The following RB1 variants were observed in gnomAD, a reference collection of about 807,000 sequenced individuals.
RB1 encodes RB transcriptional corepressor 1.
RB1 carries 18 observed loss-of-function variants against 135.4 expected under a neutral mutation model. The observed-to-expected ratio is 0.13, with a 90% CI of 0.09 to 0.20. The LOEUF is 0.20. Among genes scored for constraint, RB1 ranks in the 10% least tolerant of loss-of-function variants. RB1 has a pLI of 1.00. For missense variants in RB1, 868 were observed against 1,110.0 expected (o/e 0.78, Z 3.10); for synonymous variants, 365 against 373.2 (o/e 0.98, Z 0.25).
chr13:48,445,035 T>G (rs1949274995), intron 17 of RB1: 1 of 152,134 alleles, frequency 6.6e-6, no homozygotes, highest in Middle Eastern at 3.2e-3. Flanking sequence ...ACTCCTGAGT[T>G]ATATGCATAC....
intron 23 of RB1, among the ~76,000 whole-genome samples, chr13:48,471,724 A>T (rs1281904283): frequency 1.3e-5 from 2 of 152,182 alleles, no homozygotes; most frequent in East Asian, 3.8e-4. Context: ...TAAATAGCCA[A>T]TCTGCTAAAC....
chr13:48,354,260 C>T (rs1350596236), intron 6 of RB1, among the ~76,000 whole-genome samples: 2 of 151,986 alleles, frequency 1.3e-5, no homozygotes, highest in African/African-American at 2.4e-5. Context: ...AATCAACATA[C>T]AAAAATCAGT....
At chr13:48,317,532 GC>G in intron 2 of RB1, 1 of 437,100 alleles carries the variant, frequency 2.3e-6, no homozygotes, top group Admixed American at 3.6e-5. Context: ...CGGCCTCGGT[GC>G]CCGCTGTGGC....
Position 48,381,359 on chromosome 13 carries a change from A to C in RB1, c.1611A>C (p.Lys537Asn). 6.2e-7 allele frequency: 1 copy of C among 1,612,160 alleles called. No homozygotes were observed. Among genetic ancestry groups the C allele is most frequent in the East Asian group, 2.2e-5 (1 of 44,730 alleles). The change falls in exon 17 of 27, where the codon AAA (lysine) becomes AAC (asparagine). Residue 537 changes from lysine to asparagine, a missense_variant. Lys to Asn is a moderately conservative substitution (Grantham distance 94). Transcript: ENST00000267163. The part of the protein sequence containing the change: ...DFYKVIESFI[K>N]AEGNLTREMI... ...ACAAAGTGATCGAAAGTTTTATCAA[A>C]GCAGAAGGCAACTTGACAAGAGAAA...
At position 48,304,014 on chromosome 13, in the gene RB1, GC is replaced by G; in HGVS notation, c.103del (p.Gln35ArgfsTer30). 1 of 1,482,710 alleles carries G rather than the reference GC, an allele frequency of 6.7e-7. No individual in the cohort carries two copies. The highest frequency in any genetic ancestry group is 8.9e-7 in the Non-Finnish European group (1 of 1,125,036). The allele number at this position is 1,482,710 out of a possible 1,614,324, so 91.8% of individuals were successfully genotyped here. On this transcript the variant is annotated frameshift_variant, in exon 1 of 27. Coordinates refer to ENST00000267163, the MANE Select transcript of RB1 (RefSeq NM_000321.3). LOFTEE classifies it high-confidence loss of function. ...CGCCCCCTCCTGAGGAGGACCCAGAGCAGGACAGCGGCCCGGAGGACCTGCC... is the reference window on the plus strand; with the variant it reads ...CGCCCCCTCCTGAGGAGGACCCAGAGAGGACAGCGGCCCGGAGGACCTGCC... The part of the protein sequence containing the change: ...PPPPPEEDPE[Q>X]DSGPEDLPLV...
intron 17 of RB1, among the ~76,000 whole-genome samples, chr13:48,451,730 A>G (rs1420421911): frequency 9.0e-6 from 1 of 111,124 alleles, no homozygotes; most frequent in Non-Finnish European, 1.9e-5. Context: ...AATGCATCTG[A>G]TCCTGGGATT....
At chr13:48,409,150 CTT>C (rs1282281494) in intron 17 of RB1, among the ~76,000 whole-genome samples, 30 of 130,950 alleles carry the variant, frequency 2.3e-4, no homozygotes, top group Non-Finnish European at 3.2e-4. Flanking sequence ...TTTCTTTTCT[CTT>C]TTTTTTTTTT....
At chr13:48,377,308 A>G (rs1232625079) in intron 13 of RB1, among the ~76,000 whole-genome samples, 1 of 152,234 alleles carries the variant, frequency 6.6e-6, no homozygotes, top group African/African-American at 2.4e-5. Context: ...AATCTTTGAT[A>G]TTAAATTTTT....
At chr13:48,382,406 G>A (rs1455933523) in intron 17 of RB1, among the ~76,000 whole-genome samples, 2 of 152,116 alleles carry the variant, frequency 1.3e-5, no homozygotes, top group East Asian at 3.8e-4. Flanking sequence ...GGTGTGAGAT[G>A]GTATTTCATT....
At chr13:48,404,379 A>G (rs1948720477) in intron 17 of RB1, 1 of 152,072 alleles carries the variant, frequency 6.6e-6, no homozygotes, top group Non-Finnish European at 1.5e-5. Context: ...TCAGTTCAAT[A>G]TTTATTCATT....
intron 17 of RB1, among the ~76,000 whole-genome samples, chr13:48,387,709 T>C (rs1948580912): frequency 6.6e-6 from 1 of 152,198 alleles, no homozygotes; most frequent in East Asian, 1.9e-4. Context: ...GGGTGAATTG[T>C]ATAGGATGTA....
chr13:48,348,881 A>G lies in RB1; in HGVS notation c.540-75A>G, dbSNP rs1952521531. On this transcript the variant is annotated intron_variant, in intron 5 of 26. Coordinates refer to ENST00000267163, the MANE Select transcript of RB1 (RefSeq NM_000321.3). ...TTTAATGCACAAAAAGAAACACCCA[A>G]AAGATATATCTGGAAAACTTTCTTT... 9 of 1,535,354 alleles carry G rather than the reference A, an allele frequency of 5.9e-6. No individual in the cohort carries two copies. In the East Asian group the frequency reaches 2.1e-4, roughly 35 times the overall value.
At chr13:48,436,802 T>C (rs1026776754) in intron 17 of RB1, among the ~76,000 whole-genome samples, 1 of 152,214 alleles carries the variant, frequency 6.6e-6, no homozygotes, top group Admixed American at 6.5e-5. Flanking sequence ...AGTTTCCTCT[T>C]GCGAGGCAAA....
At chr13:48,320,304 G>T in intron 2 of RB1, 1 of 1,239,116 alleles carries the variant, frequency 8.1e-7, no homozygotes, top group East Asian at 2.3e-5. Context: ...GAGCAACCCC[G>T]CTGCGCTGCA....
intron 17 of RB1, chr13:48,411,391 A>C (rs748423339): frequency 5.6e-6 from 9 of 1,609,220 alleles, no homozygotes; most frequent in Non-Finnish European, 7.6e-6. Flanking sequence ...GTTTTATTTC[A>C]GGCAGCAGAT....
chr13:48,474,783 T>C lies in RB1; in HGVS notation c.2520+1393T>C, dbSNP rs4151618. 9.0e-3 allele frequency among the ~76,000 whole-genome samples: 1,368 copies of C among 152,290 alleles called. 55 individuals are homozygous for C. Among genetic ancestry groups the C allele is most frequent in the Admixed American group, 0.068 (1,040 of 15,292 alleles). On this transcript the variant is annotated intron_variant, in intron 24 of 26. Coordinates refer to ENST00000267163, the MANE Select transcript of RB1 (RefSeq NM_000321.3). ...TGAAACATTTATTCTAGGCTGCAAA[T>C]CCACAACCCTAGTTGGCCTTCCATT...
In RB1 at chr13:48,480,393, C is replaced by A. The variant is rs566016487; in HGVS notation, c.*322C>A. On this transcript the variant is annotated 3_prime_UTR_variant, in exon 27 of 27. Transcript: ENST00000267163. ...GGCCCTAGAGTGGGAGTCCTGATAA[C>A]CCAGGCCTGTCTGACTACTTTGCCT... is the stretch of plus-strand genomic sequence containing the variant. 18 of 379,664 alleles carry A rather than the reference C, an allele frequency of 4.7e-5. No homozygotes were observed. The highest frequency in any genetic ancestry group is 3.6e-4 in the African/African-American group (18 of 49,702). The allele number at this position is 379,664 out of a possible 1,614,324, so 23.5% of individuals were successfully genotyped here.
intron 11 of RB1, among the ~76,000 whole-genome samples, chr13:48,370,081 T>G (rs1952743085): frequency 6.6e-6 from 1 of 152,106 alleles, no homozygotes; most frequent in Non-Finnish European, 1.5e-5. Context: ...GACAAGATAA[T>G]GAGATGACAC....
intron 17 of RB1, among the ~76,000 whole-genome samples, chr13:48,440,158 A>G (rs1446071578): frequency 6.6e-6 from 1 of 152,174 alleles, no homozygotes; most frequent in African/African-American, 2.4e-5. Context: ...TGCATGTTTA[A>G]TAAAGCTTCC....
Sources: allele counts gnomAD v4.1 joint callset (sites outside exome capture counted in the v4.1 genomes callset), GRCh38; gene constraint gnomAD v4.1.1; transcripts MANE v1.5; gene names NCBI Gene and HGNC (gene_info 2026-07-23, HGNC 2026-07-21).